The following EYS variants were observed in gnomAD, a reference collection of about 807,000 sequenced individuals.
The protein encoded by EYS is protein eyes shut homolog.
EYS carries 250 observed loss-of-function variants against 282.1 expected under a neutral mutation model. That is an observed-to-expected ratio of 0.89 (90% CI 0.80 to 0.98). The LOEUF (loss-of-function observed/expected upper bound fraction) is 0.98, where lower values mean the gene tolerates loss of function less well. Ranked by LOEUF, EYS falls within the 50% of genes least tolerant of loss-of-function variation. EYS has a pLI of 0.00. For synonymous variants in EYS, 1,355 were observed against 1,282.9 expected (o/e 1.06, Z -1.20); for missense variants, 4,016 against 3,709.0 (o/e 1.08, Z -2.15).
chr6:65,408,513 A>T (rs1442144981), intron 5 of EYS, among the ~76,000 whole-genome samples: 1 of 152,068 alleles, frequency 6.6e-6, no homozygotes, highest in Non-Finnish European at 1.5e-5. Flanking sequence ...TGTTGGCCTA[A>T]TGTTGTTCAT....
chr6:65,625,804 A>C (rs943698517), intron 2 of EYS, among the ~76,000 whole-genome samples: 1 of 152,232 alleles, frequency 6.6e-6, no homozygotes, highest in African/African-American at 2.4e-5. Context: ...GCCATTAAGC[A>C]AGGCAAATTT....
intron 22 of EYS, among the ~76,000 whole-genome samples, chr6:64,663,425 T>C (rs1374581765): frequency 4.6e-5 from 7 of 152,182 alleles, no homozygotes; most frequent in African/African-American, 1.4e-4. Flanking sequence ...GACTAACTTA[T>C]GCTGTTTGAA....
At position 64,221,922 on chromosome 6, in the gene EYS, A is replaced by G. The variant is rs149385172; in HGVS notation, c.6424+8670T>C. Among the ~76,000 whole-genome samples, 339 of 152,078 alleles carry G rather than the reference A, an allele frequency of 2.2e-3. 1 individual carries two copies. Among genetic ancestry groups the G allele is most frequent in the African/African-American group, 7.4e-3 (305 of 41,460 alleles). On this transcript the variant is annotated intron_variant, in intron 31 of 42. Coordinates refer to ENST00000503581, the MANE Select transcript of EYS (RefSeq NM_001142800.2). ...CACTGCGGGACGGTCTTAGAATTCT[A>G]TCCCCTGTGGAGTAGTGGGGACTAC...
At chr6:63,799,022 A>ATT (rs1194340720) in intron 37 of EYS, among the ~76,000 whole-genome samples, 5 of 69,572 alleles carry the variant, frequency 7.2e-5, no homozygotes, top group South Asian at 4.4e-4. Context: ...TATATATATA[A>ATT]TTTTTTTTTT....
intron 22 of EYS, among the ~76,000 whole-genome samples, chr6:64,753,842 C>T (rs984607082): frequency 1.1e-4 from 17 of 151,906 alleles, no homozygotes; most frequent in Non-Finnish European, 4.4e-5. Context: ...CCAAGAGACA[C>T]CATATTTTAG....
At chr6:64,400,087 A>G (rs1001782883) in intron 28 of EYS, among the ~76,000 whole-genome samples, 1 of 151,982 alleles carries the variant, frequency 6.6e-6, no homozygotes, top group African/African-American at 2.4e-5. Context: ...AAAAGTGAAT[A>G]TATCATGAGG....
chr6:64,711,841 G>C lies in EYS; in HGVS notation c.3444-85596C>G, dbSNP rs62415461. Among the ~76,000 whole-genome samples the C allele has an allele frequency of 1.9e-3, 288 of 152,228 alleles. 1 individual carries two copies. Among genetic ancestry groups the C allele is most frequent in the Admixed American group, 3.5e-3 (53 of 15,290 alleles). ...CTCCTCCTCTACCAAATGAGACTCC[G>C]GTCTTTATAGGCACAGGATGGGGAG... On this transcript the variant is annotated intron_variant, in intron 22 of 42. Coordinates refer to ENST00000503581, the MANE Select transcript of EYS (RefSeq NM_001142800.2).
chr6:64,275,451 C>CTTTTTTTTTTTTT (rs367970233), intron 30 of EYS, among the ~76,000 whole-genome samples: 1 of 140,342 alleles, frequency 7.1e-6, no homozygotes, highest in Non-Finnish European at 1.5e-5. Context: ...TGTTCTATTT[C>CTTTTTTTTTTTTT]TTTTTTTTTT....
At chr6:65,059,571 G>C (rs1005225833) in intron 12 of EYS, among the ~76,000 whole-genome samples, 1 of 151,974 alleles carries the variant, frequency 6.6e-6, no homozygotes, top group Non-Finnish European at 1.5e-5. Context: ...AGATAGTCTT[G>C]GGTTCCTAAA....
At chr6:63,871,751 T>A (rs1401714547) in intron 35 of EYS, among the ~76,000 whole-genome samples, 1 of 152,136 alleles carries the variant, frequency 6.6e-6, no homozygotes, top group Non-Finnish European at 1.5e-5. Flanking sequence ...CTGGACCCTG[T>A]AAACACATTC....
intron 26 of EYS, among the ~76,000 whole-genome samples, chr6:64,516,055 A>G (rs559290184): frequency 5.3e-5 from 8 of 151,968 alleles, no homozygotes; most frequent in Admixed American, 1.3e-4. Flanking sequence ...TTCTGAATTT[A>G]TACTTTCCAT....
At chr6:64,382,814 G>A (rs191754243) in intron 29 of EYS, among the ~76,000 whole-genome samples, 2 of 152,296 alleles carry the variant, frequency 1.3e-5, no homozygotes, top group East Asian at 3.9e-4. Context: ...GTTTTATAAG[G>A]GCAGGAATAC....
chr6:65,280,976 C>T (rs1329055989), intron 12 of EYS, among the ~76,000 whole-genome samples: 3 of 130,942 alleles, frequency 2.3e-5, no homozygotes, highest in Non-Finnish European at 4.7e-5. Context: ...ATGGAGGTTG[C>T]AATGAGCCAA....
intron 2 of EYS, among the ~76,000 whole-genome samples, chr6:65,532,790 A>C (rs1346769714): frequency 6.6e-6 from 1 of 152,150 alleles, no homozygotes; most frequent in Non-Finnish European, 1.5e-5. Flanking sequence ...ACCAACAGAA[A>C]AAAAATATGG....
rs9453244 is a variant in EYS at position 65,287,082 on chromosome 6, T to C, written c.2023+8781A>G. 8.3e-3 allele frequency among the ~76,000 whole-genome samples: 1,260 copies of C among 151,352 alleles called. 17 individuals are homozygous for C. Among genetic ancestry groups the C allele is most frequent in the African/African-American group, 0.029 (1,197 of 41,406 alleles). ...TTCAGTATTTATCCTAATAGTAAAGTAGGGCAGGTATACAGAGGGGAAATA... is the reference window on the plus strand; with the variant it reads ...TTCAGTATTTATCCTAATAGTAAAGCAGGGCAGGTATACAGAGGGGAAATA... On this transcript the variant is annotated intron_variant, in intron 12 of 42. Coordinates refer to ENST00000503581, the MANE Select transcript of EYS (RefSeq NM_001142800.2).
At chr6:65,699,885 C>T (rs139066514) in intron 1 of EYS, among the ~76,000 whole-genome samples, 1,596 of 151,818 alleles carry the variant, frequency 0.011, 24 homozygotes, top group African/African-American at 0.029. Flanking sequence ...GAGGCCGAGG[C>T]GGGCGAATCA....
In EYS at chr6:65,356,361, T is replaced by G. The variant is rs75217250; in HGVS notation, c.1300-2744A>C. On this transcript the variant is annotated intron_variant, in intron 8 of 42. Coordinates refer to ENST00000503581, the MANE Select transcript of EYS (RefSeq NM_001142800.2). ...GGATACGAATCCCTGTTTCTGCCAC[T>G]CAGGAGCTAAGGAACCATTTAAAAA... 9.7e-3 allele frequency among the ~76,000 whole-genome samples: 1,479 copies of G among 152,084 alleles called. 33 individuals carry two copies. The highest frequency in any genetic ancestry group is 0.034 in the African/African-American group (1,393 of 41,530).
intron 4 of EYS, chr6:65,491,268 T>A (rs987086649): frequency 6.2e-6 from 1 of 160,516 alleles, no homozygotes; most frequent in Admixed American, 7.5e-5. Context: ...ATATCAGTTA[T>A]ATACACACAC....
At chr6:63,910,620 G>T (rs757162494) in intron 35 of EYS, among the ~76,000 whole-genome samples, 1 of 152,018 alleles carries the variant, frequency 6.6e-6, no homozygotes, top group East Asian at 1.9e-4. Flanking sequence ...GTTACTAATT[G>T]TACTTACCAT....
Sources: gnomAD v4.1 joint callset for allele counts (sites outside exome capture counted in the v4.1 genomes callset) on GRCh38, gnomAD v4.1.1 for gene constraint, MANE v1.5 for transcripts, NCBI Gene and HGNC (gene_info 2026-07-23, HGNC 2026-07-21) for gene names.